Variants in DACH2 observed in about 807,000 individuals in gnomAD.
DACH2 encodes dachshund family transcription factor 2.
A neutral mutation model predicts 35.8 loss-of-function variants in DACH2; 17 were observed. That is an observed-to-expected ratio of 0.48 (90% CI 0.33 to 0.71). The LOEUF (loss-of-function observed/expected upper bound fraction) is 0.71, where lower values mean the gene tolerates loss of function less well. Ranked by LOEUF, DACH2 falls within the 30% of genes least tolerant of loss-of-function variation. The pLI, the probability that DACH2 is intolerant of heterozygous loss-of-function variation, is 0.02. For missense variants in DACH2, 469 were observed against 472.7 expected (o/e 0.99, Z 0.07); for synonymous variants, 195 against 177.3 (o/e 1.10, Z -0.79).
At chrX:86,206,379 T>C (rs758964534) in intron 1 of DACH2, among the ~76,000 whole-genome samples, 3 of 112,110 alleles carry the variant, frequency 2.7e-5, no homozygotes, top group Non-Finnish European at 5.6e-5. Flanking sequence ...TGAGAATCTT[T>C]TGCACTTGAT....
chrX:86,375,921 G>T (rs1237426398), intron 1 of DACH2, among the ~76,000 whole-genome samples: 4 of 110,389 alleles, frequency 3.6e-5, no homozygotes, highest in Non-Finnish European at 7.6e-5. Flanking sequence ...TTACTAAGAA[G>T]TACATTAAGG....
intron 1 of DACH2, among the ~76,000 whole-genome samples, chrX:86,362,987 T>C (rs943892475): frequency 9.0e-6 from 1 of 110,816 alleles, no homozygotes; most frequent in Non-Finnish European, 1.9e-5. Flanking sequence ...CAAAGCACTG[T>C]GGGTACTTTA....
intron 11 of DACH2, among the ~76,000 whole-genome samples, chrX:86,819,508 AT>A (rs1056911333): frequency 7.1e-5 from 8 of 112,355 alleles, no homozygotes; most frequent in Non-Finnish European, 1.3e-4. Context: ...AGCAAATTAA[AT>A]TAGCACAACT....
chrX:86,333,099 G>T (rs1172342449), intron 1 of DACH2, among the ~76,000 whole-genome samples: 3 of 111,098 alleles, frequency 2.7e-5, no homozygotes, highest in Non-Finnish European at 5.7e-5. Flanking sequence ...CAAAATCTAG[G>T]GATAAACGAC....
At chrX:86,442,355 T>TTGTG (rs780963312) in intron 2 of DACH2, among the ~76,000 whole-genome samples, 4,248 of 71,221 alleles carry the variant, frequency 0.06, 147 homozygotes, top group East Asian at 0.17. Flanking sequence ...AAGTAGTATT[T>TTGTG]TGTGTGTGTG....
At chrX:86,265,309 A>G (rs1460384822) in intron 1 of DACH2, among the ~76,000 whole-genome samples, 1 of 111,914 alleles carries the variant, frequency 8.9e-6, no homozygotes, top group Non-Finnish European at 1.9e-5. Flanking sequence ...AGTACACATT[A>G]TATTATATTC....
At chrX:86,467,473 C>T (rs772245649) in intron 2 of DACH2, among the ~76,000 whole-genome samples, 1 of 111,561 alleles carries the variant, frequency 9.0e-6, no homozygotes, top group South Asian at 3.8e-4. Flanking sequence ...CAAACTTTTC[C>T]CCATCTTCCT....
chrX:86,719,179 A>G (rs67648249), intron 6 of DACH2, among the ~76,000 whole-genome samples: 14,863 of 111,634 alleles, frequency 0.13, 780 homozygotes, highest in East Asian at 0.32. Context: ...CCTTGTAGAT[A>G]TCTTTTACCT....
intron 7 of DACH2, among the ~76,000 whole-genome samples, chrX:86,803,838 G>T (rs1321849273): frequency 9.0e-6 from 1 of 111,066 alleles, no homozygotes; most frequent in African/African-American, 3.3e-5. Context: ...TTGTCTCAAT[G>T]AGGTAGAAAT....
chrX:86,322,995 G>C (rs1436948338), intron 1 of DACH2, among the ~76,000 whole-genome samples: 4 of 112,509 alleles, frequency 3.6e-5, no homozygotes, highest in Non-Finnish European at 7.5e-5. Flanking sequence ...ATAAGGTTTG[G>C]TCTCTAGCAG....
intron 4 of DACH2, among the ~76,000 whole-genome samples, chrX:86,672,083 T>A (rs2040771381): frequency 9.0e-6 from 1 of 111,659 alleles, no homozygotes; most frequent in South Asian, 3.8e-4. Context: ...ACTTTGAACT[T>A]GAGAGAGATG....
intron 1 of DACH2, among the ~76,000 whole-genome samples, chrX:86,183,769 C>T (rs968680902): frequency 9.0e-6 from 1 of 111,315 alleles, no homozygotes; most frequent in African/African-American, 3.3e-5. Context: ...CCTCTTTGTA[C>T]CTCTGGTATA....
intron 3 of DACH2, among the ~76,000 whole-genome samples, chrX:86,557,315 T>C (rs972327407): frequency 9.0e-6 from 1 of 111,458 alleles, no homozygotes; most frequent in Non-Finnish European, 1.9e-5. Context: ...AGTGAACTCA[T>C]AAATTAACCA....
chrX:86,371,236 A>T (rs1243125012), intron 1 of DACH2, among the ~76,000 whole-genome samples: 1 of 110,745 alleles, frequency 9.0e-6, no homozygotes, highest in Non-Finnish European at 1.9e-5. Context: ...TAGTAAAAAA[A>T]TTCCATAGGC....
chrX:86,520,861 A>G (rs1345438244), intron 3 of DACH2, among the ~76,000 whole-genome samples: 2 of 111,372 alleles, frequency 1.8e-5, no homozygotes, highest in African/African-American at 6.5e-5. Flanking sequence ...CCATCTTGCC[A>G]CTATGTGCCT....
At chrX:86,651,666 A>G (rs1282812628) in intron 4 of DACH2, among the ~76,000 whole-genome samples, 1 of 111,984 alleles carries the variant, frequency 8.9e-6, no homozygotes, top group Non-Finnish European at 1.9e-5. Context: ...CAAAGAAGAA[A>G]AGATGGATGA....
At chrX:86,623,768 G>A (rs749983529) in intron 3 of DACH2, among the ~76,000 whole-genome samples, 1 of 99,068 alleles carries the variant, frequency 1.0e-5, no homozygotes, top group Non-Finnish European at 2.1e-5. Flanking sequence ...AAAAAGTGGC[G>A]GCCGGGCGCG....
intron 1 of DACH2, among the ~76,000 whole-genome samples, chrX:86,299,357 G>T (rs2034530386): frequency 9.0e-6 from 1 of 111,299 alleles, no homozygotes; most frequent in African/African-American, 3.3e-5. Context: ...CCAATGAGGG[G>T]GTTTTCATTC....
intron 7 of DACH2, among the ~76,000 whole-genome samples, chrX:86,795,846 G>A (rs12011952): frequency 0.061 from 5,438 of 88,870 alleles, 366 homozygotes; most frequent in African/African-American, 0.19. Flanking sequence ...AAGTTGGTGC[G>A]TCTGGAGTTG....
Sources: gnomAD v4.1 joint callset for allele counts (sites outside exome capture counted in the v4.1 genomes callset) on GRCh38, gnomAD v4.1.1 for gene constraint, MANE v1.5 for transcripts, NCBI Gene and HGNC (gene_info 2026-07-23, HGNC 2026-07-21) for gene names.